The following EIPR1 variants were observed in gnomAD, a reference collection of about 807,000 sequenced individuals.
EIPR1 encodes the protein EARP complex and GARP complex interacting protein 1.
Under a neutral mutation model 48.1 loss-of-function variants are expected in EIPR1, and 25 were observed. That is an observed-to-expected ratio of 0.52 (90% CI 0.38 to 0.73). The LOEUF is 0.73. Ranked by LOEUF, EIPR1 falls within the 30% of genes least tolerant of loss-of-function variation. EIPR1 has a pLI of 0.00. For missense variants in EIPR1, 415 were observed against 506.2 expected, an observed-to-expected ratio of 0.82 and a Z score of 1.73; for synonymous variants, 204 against 201.9, an observed-to-expected ratio of 1.01 and a Z score of -0.09.
chr2:3,341,383 C>T (rs949235333), intron 2 of EIPR1, among the ~76,000 whole-genome samples: 5 of 152,178 alleles, frequency 3.3e-5, no homozygotes, highest in Admixed American at 2.0e-4. Context: ...GGCAGTGACA[C>T]GGGTGCACGT....
At chr2:3,210,377 C>T (rs751239632) in intron 5 of EIPR1, among the ~76,000 whole-genome samples, 5 of 152,114 alleles carry the variant, frequency 3.3e-5, no homozygotes, top group African/African-American at 1.2e-4. Context: ...CTCAGTCCCA[C>T]GGCCACACCA....
At chr2:3,193,480 C>T (rs1208142337) in intron 7 of EIPR1, among the ~76,000 whole-genome samples, 2 of 152,188 alleles carry the variant, frequency 1.3e-5, no homozygotes, top group Non-Finnish European at 2.9e-5. Context: ...GCTATACATG[C>T]CATTGTACAA....
chr2:3,332,974 G>A (rs1669943111), intron 3 of EIPR1, among the ~76,000 whole-genome samples: 1 of 152,180 alleles, frequency 6.6e-6, no homozygotes, highest in Non-Finnish European at 1.5e-5. Context: ...GACTTTTTAA[G>A]ATACTTTAAC....
At chr2:3,299,618 T>TCACACACACACACACACACACACACACA (rs1212478991) in intron 3 of EIPR1, among the ~76,000 whole-genome samples, 1 of 125,976 alleles carries the variant, frequency 7.9e-6, no homozygotes, top group Admixed American at 7.9e-5. Context: ...TCTCTCTCTC[T>TCACACACACACACACACACACACACACA]CTCTCTCACA....
rs1166054225 is a variant in EIPR1 at position 3,286,575 on chromosome 2, T to G, written c.260-29120A>C. On this transcript the variant is annotated intron_variant, in intron 3 of 8. Transcript: ENST00000382125. The surrounding 1 kb of genome is among the most constrained non-coding windows in gnomAD (Gnocchi z 4.2). ...TACCTTGGTGACTCTGGAAGCGTTT[T>G]CATAAGCACTTGTCATATGTCATAT... Among the ~76,000 whole-genome samples the G allele has an allele frequency of 1.3e-5, 2 of 152,210 alleles. No homozygotes were observed.
chr2:3,240,207 TCTTCCTAAAGAAAGCAAAGCCAGCAGACC>T (rs1558244291), intron 4 of EIPR1, among the ~76,000 whole-genome samples: 54 of 9,708 alleles, frequency 5.6e-3, no homozygotes, highest in East Asian at 0.014. Flanking sequence ...GCCAGCAGAC[TCTTCCTAAAGAAAGCAAAGCCAGCAGACC>T]CTTCCTAAAG....
intron 4 of EIPR1, 79 bp downstream of exon 4, chr2:3,257,220 G>A: frequency 5.4e-6 from 8 of 1,479,656 alleles, no homozygotes; most frequent in Non-Finnish European, 7.3e-6. Flanking sequence ...GGTGGCTCCT[G>A]CAAAGGAATC....
At chr2:3,261,961 A>G (rs2103227238) in intron 3 of EIPR1, 1 of 152,266 alleles carries the variant, frequency 6.6e-6, no homozygotes, top group East Asian at 1.9e-4. Context: ...TGCTGAATTC[A>G]CCATTGGCTT....
At chr2:3,367,603 G>A (rs899870068) in intron 1 of EIPR1, among the ~76,000 whole-genome samples, 1 of 152,166 alleles carries the variant, frequency 6.6e-6, no homozygotes, top group Admixed American at 6.5e-5. Flanking sequence ...ATCCAGCAGA[G>A]GACTATTCCA....
At chr2:3,203,560 A>T (rs918858832) in intron 5 of EIPR1, among the ~76,000 whole-genome samples, 2 of 152,194 alleles carry the variant, frequency 1.3e-5, no homozygotes, top group African/African-American at 4.8e-5. Flanking sequence ...GAGGGTAGAT[A>T]AAAAAAGCAG....
intron 3 of EIPR1, chr2:3,319,388 G>A (rs376413693): frequency 2.2e-5 from 4 of 182,644 alleles, no homozygotes; most frequent in East Asian, 1.4e-4. Flanking sequence ...AGAAAGCGCC[G>A]ATCCCCGTGC....
At chr2:3,354,939 A>G (rs1449334843) in intron 1 of EIPR1, among the ~76,000 whole-genome samples, 1 of 152,256 alleles carries the variant, frequency 6.6e-6, no homozygotes. Context: ...TTATTTCAAC[A>G]GTAAAAGACT....
At chr2:3,204,938 C>G (rs1423603124) in intron 5 of EIPR1, among the ~76,000 whole-genome samples, 3 of 152,140 alleles carry the variant, frequency 2.0e-5, no homozygotes, top group Non-Finnish European at 4.4e-5. Flanking sequence ...CCAGCAGACC[C>G]TACTACTTGC....
chr2:3,287,220 CTCGTTCACCACAA>C (rs1668214768), intron 3 of EIPR1, among the ~76,000 whole-genome samples: 4 of 71,794 alleles, frequency 5.6e-5, no homozygotes, highest in Non-Finnish European at 9.7e-5. Context: ...CTCCAGAAAG[CTCGTTCACCACAA>C]TCCAGAAAGC....
chr2:3,195,378 G>A (rs1413177958), intron 6 of EIPR1, among the ~76,000 whole-genome samples: 1 of 152,180 alleles, frequency 6.6e-6, no homozygotes, highest in African/African-American at 2.4e-5. Context: ...TCTGTGCCTT[G>A]TAATTTGCTT....
intron 4 of EIPR1, among the ~76,000 whole-genome samples, chr2:3,239,467 G>A (rs2694103): frequency 0.9 from 136,293 of 152,236 alleles, 61,896 homozygotes; most frequent in East Asian, 0.98. Flanking sequence ...TCAGTGTGCC[G>A]GCAGTTTTGT....
intron 3 of EIPR1, among the ~76,000 whole-genome samples, chr2:3,310,639 C>T (rs928589868): frequency 2.3e-5 from 3 of 133,138 alleles, no homozygotes; most frequent in East Asian, 2.4e-4. Context: ...GGCGACAGAG[C>T]CAGACTCCGT....
intron 3 of EIPR1, chr2:3,261,818 G>A (rs1394439622): frequency 1.3e-5 from 2 of 152,200 alleles, no homozygotes; most frequent in Non-Finnish European, 2.9e-5. Context: ...ACCCATACCG[G>A]GCCTGTGACC....
intron 7 of EIPR1, among the ~76,000 whole-genome samples, chr2:3,193,771 T>C (rs1664694413): frequency 6.6e-6 from 1 of 152,258 alleles, no homozygotes. Context: ...GAACCAGCAC[T>C]GTTTCAAGAG....
Sources: gnomAD v4.1 joint callset for allele counts (sites outside exome capture counted in the v4.1 genomes callset) on GRCh38, gnomAD v4.1.1 for gene constraint, Gnocchi (gnomAD v3.1) non-coding constraint, MANE v1.5 for transcripts, NCBI Gene and HGNC (gene_info 2026-07-23, HGNC 2026-07-21) for gene names.